The following ENTREP1 variants were observed in gnomAD, a reference collection of about 807,000 sequenced individuals.
ENTREP1 encodes Friedreich ataxia region gene X123.
At chr9:69,377,691 T>A in the ENTREP1 span, 1 of 1,613,920 alleles carries the variant, frequency 6.2e-7, no homozygotes, top group African/African-American at 1.3e-5. Context: ...CGCCTGTGCC[T>A]CCCCCTTCCT....
At chr9:69,325,546 CGCCGCCGCT>C in the ENTREP1 span, 114 of 1,167,918 alleles carry the variant, frequency 9.8e-5, no homozygotes, top group Non-Finnish European at 1.1e-4. Context: ...GCCGGGCAGT[CGCCGCCGCT>C]GCCGCCGCGG....
chr9:69,372,860 T>G, the ENTREP1 span, among the ~76,000 whole-genome samples: 1 of 147,566 alleles, frequency 6.8e-6, no homozygotes, highest in South Asian at 2.2e-4. Context: ...TTTTTTTTTT[T>G]AAAGTGGCCA....
At chr9:69,358,333 G>C in the ENTREP1 span, among the ~76,000 whole-genome samples, 18 of 152,274 alleles carry the variant, frequency 1.2e-4, no homozygotes, top group African/African-American at 4.3e-4. Flanking sequence ...ATATGTCCTA[G>C]AATATTAGTA....
At chr9:69,340,595 A>ATGCATGTGTGTGCG in the ENTREP1 span, among the ~76,000 whole-genome samples, 1 of 145,588 alleles carries the variant, frequency 6.9e-6, no homozygotes, top group Non-Finnish European at 1.5e-5. Context: ...GTATGTGTGC[A>ATGCATGTGTGTGCG]TGCATGTGTG....
At chr9:69,359,884 G>T in the ENTREP1 span, among the ~76,000 whole-genome samples, 3 of 152,182 alleles carry the variant, frequency 2.0e-5, no homozygotes, top group African/African-American at 7.2e-5. Context: ...GAATTGACAA[G>T]TACATTTGTT....
chr9:69,386,117 T>A, the ENTREP1 span: 1 of 492,918 alleles, frequency 2.0e-6, no homozygotes, highest in Non-Finnish European at 3.3e-6. Flanking sequence ...GTTAGGAATA[T>A]ATATCTACCA....
chr9:69,356,738 A>T, the ENTREP1 span, among the ~76,000 whole-genome samples: 7 of 152,318 alleles, frequency 4.6e-5, no homozygotes, highest in Middle Eastern at 6.8e-3. Flanking sequence ...GGCATAGCAG[A>T]TCTGGTTCCT....
At chr9:69,381,923 A>G in the ENTREP1 span, 2 of 152,234 alleles carry the variant, frequency 1.3e-5, no homozygotes, top group African/African-American at 4.8e-5. Context: ...AAATTCTACA[A>G]TAGTTTAGGA....
At chr9:69,336,415 C>T in the ENTREP1 span, 1 of 530,416 alleles carries the variant, frequency 1.9e-6, no homozygotes, top group Non-Finnish European at 3.3e-6. Flanking sequence ...GTCAGATGAT[C>T]ATAACCAGTA....
chr9:69,327,071 C>A, the ENTREP1 span, among the ~76,000 whole-genome samples: 3 of 151,000 alleles, frequency 2.0e-5, no homozygotes, highest in Non-Finnish European at 4.4e-5. Flanking sequence ...TGAATAAGAA[C>A]ATTAAGAACG....
the ENTREP1 span, among the ~76,000 whole-genome samples, chr9:69,333,120 A>C: frequency 6.6e-6 from 1 of 152,114 alleles, no homozygotes; most frequent in Admixed American, 6.5e-5. Context: ...GTATATATAC[A>C]CATAGACATG....
chr9:69,389,061 G>T, the ENTREP1 span, among the ~76,000 whole-genome samples: 1 of 152,180 alleles, frequency 6.6e-6, no homozygotes, highest in African/African-American at 2.4e-5. Flanking sequence ...TAAAGTAAAT[G>T]GTTGGACTAG....
chr9:69,383,372 GA>G, the ENTREP1 span: 3 of 1,263,432 alleles, frequency 2.4e-6, no homozygotes, highest in Non-Finnish European at 3.0e-6. Flanking sequence ...TGTCTCTATG[GA>G]TTGTTTGCTT....
the ENTREP1 span, chr9:69,388,363 T>C: frequency 3.1e-6 from 5 of 1,614,176 alleles, no homozygotes; most frequent in South Asian, 4.4e-5. Flanking sequence ...CAGACATCCA[T>C]GAACTTGTAG....
chr9:69,388,353 CA>C, the ENTREP1 span: 7 of 1,614,164 alleles, frequency 4.3e-6, no homozygotes, highest in Non-Finnish European at 5.1e-6. Flanking sequence ...ACCATGACCC[CA>C]GACATCCATG....
the ENTREP1 span, among the ~76,000 whole-genome samples, chr9:69,375,245 G>C: frequency 6.6e-6 from 1 of 152,210 alleles, no homozygotes; most frequent in Non-Finnish European, 1.5e-5. Context: ...TTTGGGAAGG[G>C]AATATTTTGT....
At chr9:69,378,050 TG>T in the ENTREP1 span, among the ~76,000 whole-genome samples, 42 of 152,330 alleles carry the variant, frequency 2.8e-4, no homozygotes, top group African/African-American at 9.1e-4. Flanking sequence ...TTTCTCTTTT[TG>T]TCTGATAAAA....
the ENTREP1 span, among the ~76,000 whole-genome samples, chr9:69,332,844 A>G: frequency 6.6e-6 from 1 of 152,190 alleles, no homozygotes. Context: ...TTTTAAAGAT[A>G]TATGTTCATA....
At chr9:69,342,755 G>A in the ENTREP1 span, among the ~76,000 whole-genome samples, 1 of 152,236 alleles carries the variant, frequency 6.6e-6, no homozygotes, top group East Asian at 1.9e-4. Flanking sequence ...AATTTGATGT[G>A]TCATTATGTA....
Sources: gnomAD v4.1 joint callset for allele counts (sites outside exome capture counted in the v4.1 genomes callset) on GRCh38, gnomAD v4.1.1 for gene constraint, MANE v1.5 for transcripts, NCBI Gene and HGNC (gene_info 2026-07-23, HGNC 2026-07-21) for gene names.